The following TERB2 variants were observed in gnomAD, a reference collection of about 807,000 sequenced individuals.
TERB2 encodes telomere repeats-binding bouquet formation protein 2.
In TERB2, 26 loss-of-function variants were observed where a neutral mutation model predicts 29.8. The ratio of observed to expected loss-of-function variants is 0.87; its 90% confidence interval spans 0.64 to 1.21. The LOEUF (loss-of-function observed/expected upper bound fraction) is 1.21. Ranked by LOEUF, TERB2 falls within the 50% of genes most tolerant of loss-of-function variation. TERB2 has a pLI of 0.00. For synonymous variants in TERB2, 80 were observed against 90.8 expected, an observed-to-expected ratio of 0.88 and a Z score of 0.68; for missense variants, 240 against 268.6, an observed-to-expected ratio of 0.89 and a Z score of 0.74.
Position 44,973,943 on chromosome 15 carries a change from A to T in TERB2, c.511A>T (p.Asn171Tyr). Reference sequence around the variant, plus strand: ...CCCTCTACAGAATTACCCAGTTAACAACATGGTAACAGGTAGTTTAAAATA... The same window carrying T: ...CCCTCTACAGAATTACCCAGTTAACTACATGGTAACAGGTAGTTTAAAATA... Reference protein sequence around the residue: ...YFPLQNYPVNNMVTGYISIDA... With the variant: ...YFPLQNYPVNYMVTGYISIDA... The change falls in exon 6 of 7, where the codon AAC becomes TAC. Residue 171 changes from asparagine (N) to tyrosine (Y), a missense_variant. Transcript: ENST00000340827. 6.3e-7 allele frequency: 1 copy of T among 1,595,586 alleles called. No homozygotes were observed. Among genetic ancestry groups the T allele is most frequent in the Non-Finnish European group, 8.5e-7 (1 of 1,170,126 alleles).
chr15:44,975,309 A>G (rs112971611), intron 6 of TERB2, among the ~76,000 whole-genome samples: 2,525 of 152,182 alleles, frequency 0.017, 22 homozygotes, highest in Middle Eastern at 0.031. Context: ...GAAATGACAA[A>G]TACTTCTCTT....
intron 2 of TERB2, among the ~76,000 whole-genome samples, chr15:44,957,581 A>T (rs270816): frequency 0.3 from 45,450 of 152,012 alleles, 10,619 homozygotes; most frequent in African/African-American, 0.65. Context: ...AATCAGTCAG[A>T]GGCCGAATAC....
chr15:44,973,901 GA>G lies in TERB2; in HGVS notation c.473del (p.Lys158SerfsTer16). ...EKHFIRTPVVEKQMYFPLQNY... is the reference protein window; with the variant it reads ...EKHFIRTPVVXKQMYFPLQNY... ...GCATTTTATAAGAACTCCAGTTGTA[GA>G]AAAGCAGATGTACTTCCCTCTACAG... On this transcript the variant is annotated frameshift_variant, in exon 6 of 7. Transcript: ENST00000340827. LOFTEE classifies it high-confidence loss of function. 1 of 1,600,562 alleles carries G rather than the reference GA, an allele frequency of 6.2e-7. No individual in the cohort carries two copies. The highest frequency in any genetic ancestry group is 8.5e-7 in the Non-Finnish European group (1 of 1,172,534).
At position 44,956,987 on chromosome 15, in the gene TERB2, G is replaced by C; in HGVS notation, c.146+10G>C. The C allele has an allele frequency of 6.2e-7, 1 of 1,610,766 alleles. No individual in the cohort carries two copies. The highest frequency in any genetic ancestry group is 2.2e-5 in the East Asian group (1 of 44,856). On this transcript the variant is annotated intron_variant, in intron 2 of 6. Coordinates refer to ENST00000340827, the MANE Select transcript of TERB2 (RefSeq NM_152448.3). The stretch of plus-strand genomic sequence containing the variant: ...ACCCAGACACGCTGAGGTACTGAGG[G>C]CGACCTGGCAGTGCCTCTTATGTTA...
intron 4 of TERB2, among the ~76,000 whole-genome samples, chr15:44,961,826 A>G (rs1442441652): frequency 9.9e-5 from 15 of 152,076 alleles, no homozygotes; most frequent in Admixed American, 7.9e-4. Flanking sequence ...CAGCCTCCCA[A>G]GTAGCTGGGA....
At chr15:44,977,313 T>C (rs574963054) in intron 6 of TERB2, among the ~76,000 whole-genome samples, 1 of 152,326 alleles carries the variant, frequency 6.6e-6, no homozygotes, top group Non-Finnish European at 1.5e-5. Context: ...TCCTTAACTA[T>C]TCAAAAATGC....
intron 5 of TERB2, among the ~76,000 whole-genome samples, chr15:44,969,093 G>T (rs1430539793): frequency 6.6e-6 from 1 of 151,734 alleles, no homozygotes; most frequent in Non-Finnish European, 1.5e-5. Flanking sequence ...CACCACGCCT[G>T]GCTAATTAAA....
intron 6 of TERB2, among the ~76,000 whole-genome samples, chr15:44,974,275 T>C (rs1412571446): frequency 6.6e-6 from 1 of 152,182 alleles, no homozygotes; most frequent in Non-Finnish European, 1.5e-5. Context: ...GGAAGATAAA[T>C]TATATGAACA....
chr15:44,962,715 T>TA (rs1891825413), intron 4 of TERB2: 1 of 152,228 alleles, frequency 6.6e-6, no homozygotes, highest in African/African-American at 2.4e-5. Flanking sequence ...CAGATTTACT[T>TA]ACGCTTTTGA....
At chr15:44,974,026 T>C in intron 6 of TERB2, 71 bp downstream of exon 6, 1 of 1,327,156 alleles carries the variant, frequency 7.5e-7, no homozygotes, top group Non-Finnish European at 9.8e-7. Flanking sequence ...TGAATAAAGC[T>C]GTTGTACTTC....
At chr15:44,965,428 C>A (rs1891870874) in intron 4 of TERB2, among the ~76,000 whole-genome samples, 1 of 133,782 alleles carries the variant, frequency 7.5e-6, no homozygotes, top group Admixed American at 8.0e-5. Flanking sequence ...TATTTTATAC[C>A]TTTATAAATA....
intron 5 of TERB2, among the ~76,000 whole-genome samples, chr15:44,969,770 C>T (rs376004284): frequency 6.7e-6 from 1 of 148,708 alleles, no homozygotes; most frequent in South Asian, 2.1e-4. Context: ...TGTGCTTCAA[C>T]CAAGGTGAAA....
chr15:44,965,659 G>A (rs1286997227), intron 4 of TERB2, among the ~76,000 whole-genome samples: 1 of 145,456 alleles, frequency 6.9e-6, no homozygotes, highest in East Asian at 2.0e-4. Flanking sequence ...ATATCTTTAT[G>A]TATATAGTGA....
chr15:44,971,301 C>T (rs2036831), intron 5 of TERB2: 25,086 of 152,064 alleles, frequency 0.16, 2,550 homozygotes, highest in East Asian at 0.34. Context: ...ACTTAACCAG[C>T]GAAAGCAGCC....
chr15:44,968,731 T>G (rs7165977), intron 5 of TERB2, among the ~76,000 whole-genome samples: 1 of 151,100 alleles, frequency 6.6e-6, no homozygotes, highest in Admixed American at 6.6e-5. Flanking sequence ...CCCAGAATGC[T>G]GCTAGGATTA....
At chr15:44,964,635 A>G (rs1014044822) in intron 4 of TERB2, among the ~76,000 whole-genome samples, 3 of 152,160 alleles carry the variant, frequency 2.0e-5, no homozygotes, top group African/African-American at 7.2e-5. Context: ...TCTACTAAAA[A>G]ATTACTAAAA....
chr15:44,956,715 C>G lies in TERB2; in HGVS notation c.-4C>G. 1 of 1,602,350 alleles carries G rather than the reference C, an allele frequency of 6.2e-7. No homozygotes were observed. The highest frequency in any genetic ancestry group is 8.5e-7 in the Non-Finnish European group (1 of 1,175,040). On this transcript the variant is annotated 5_prime_UTR_variant, in exon 1 of 7. Transcript: ENST00000340827. ...TCTCACATCTCCACAGGCTTGGCGA[C>G]GCCATGTTTCAAGGGCAGCGCGGTT...
intron 6 of TERB2, among the ~76,000 whole-genome samples, chr15:44,976,409 C>T (rs1892048119): frequency 6.6e-6 from 1 of 152,138 alleles, no homozygotes; most frequent in East Asian, 1.9e-4. Flanking sequence ...TGGCCAAAGG[C>T]TTCAACTCTT....
chr15:44,969,959 G>A (rs1042845814), intron 5 of TERB2: 7 of 151,782 alleles, frequency 4.6e-5, no homozygotes, highest in African/African-American at 1.7e-4. Flanking sequence ...CGTTTAGTTT[G>A]TTAAGTAATT....
Sources: allele counts gnomAD v4.1 joint callset (sites outside exome capture counted in the v4.1 genomes callset), GRCh38; gene constraint gnomAD v4.1.1; transcripts MANE v1.5; gene names NCBI Gene and HGNC (gene_info 2026-07-23, HGNC 2026-07-21).